BMPR1B: variants seen among roughly 807,000 people sequenced by gnomAD.
BMPR1B encodes bone morphogenetic protein receptor type 1B, also known as bone morphogenetic protein receptor type-1B.
Under a neutral mutation model 59.1 loss-of-function variants are expected in BMPR1B, and 12 were observed. The observed-to-expected ratio is 0.20, with a 90% confidence interval of 0.13 to 0.33. The LOEUF (loss-of-function observed/expected upper bound fraction) is 0.33. Among genes scored for constraint, BMPR1B ranks in the 10% least tolerant of loss-of-function variants. The pLI is 1.00. For synonymous variants in BMPR1B, 237 were observed against 207.3 expected, an observed-to-expected ratio of 1.14 and a Z score of -1.23; for missense variants, 550 against 610.9, an observed-to-expected ratio of 0.90 and a Z score of 1.05.
At chr4:94,892,653 A>G (rs1277756353) in intron 2 of BMPR1B, among the ~76,000 whole-genome samples, 1 of 152,086 alleles carries the variant, frequency 6.6e-6, no homozygotes, top group African/African-American at 2.4e-5. Flanking sequence ...AGAAGATGTG[A>G]TACTTGAACT....
intron 10 of BMPR1B, among the ~76,000 whole-genome samples, chr4:95,133,052 T>G (rs1733491015): frequency 6.6e-6 from 1 of 152,230 alleles, no homozygotes. Context: ...TTCCCAGTTT[T>G]GGCTGATCCA....
At chr4:94,875,369 T>C (rs1333145275) in intron 1 of BMPR1B, among the ~76,000 whole-genome samples, 1 of 152,184 alleles carries the variant, frequency 6.6e-6, no homozygotes, top group East Asian at 1.9e-4. Flanking sequence ...TGCTTTATTT[T>C]TAGTACATCT....
At chr4:94,940,079 G>A (rs1410420497) in intron 2 of BMPR1B, among the ~76,000 whole-genome samples, 1 of 152,086 alleles carries the variant, frequency 6.6e-6, no homozygotes. Context: ...TTATTATATT[G>A]TAAAAAATAA....
intron 6 of BMPR1B, among the ~76,000 whole-genome samples, chr4:95,120,669 C>CTTTCT (rs1307975314): frequency 0.012 from 737 of 62,220 alleles, 7 homozygotes; most frequent in African/African-American, 0.036. Context: ...CTTCCTTCTT[C>CTTTCT]TTTCTTTTCT....
At chr4:95,081,449 A>G (rs1729131912) in intron 3 of BMPR1B, among the ~76,000 whole-genome samples, 1 of 152,246 alleles carries the variant, frequency 6.6e-6, no homozygotes, top group Non-Finnish European at 1.5e-5. Flanking sequence ...AACAGTTGAC[A>G]GTATTTATTG....
chr4:94,952,961 T>C (rs1351135328), intron 2 of BMPR1B, among the ~76,000 whole-genome samples: 2 of 152,236 alleles, frequency 1.3e-5, no homozygotes, highest in African/African-American at 4.8e-5. Context: ...GGTGCATATA[T>C]ATTTAAGATA....
chr4:95,040,517 A>G (rs749882703), intron 3 of BMPR1B, among the ~76,000 whole-genome samples: 2 of 152,190 alleles, frequency 1.3e-5, no homozygotes, highest in Non-Finnish European at 2.9e-5. Flanking sequence ...ATAAATGGCA[A>G]GTGGGTAATA....
At chr4:95,096,926 A>G (rs1730447995) in intron 3 of BMPR1B, among the ~76,000 whole-genome samples, 1 of 142,222 alleles carries the variant, frequency 7.0e-6, no homozygotes, top group East Asian at 2.0e-4. Flanking sequence ...TATATATTAA[A>G]TCAAATTAAA....
intron 2 of BMPR1B, among the ~76,000 whole-genome samples, chr4:94,985,952 G>C (rs927649375): frequency 2.0e-5 from 3 of 152,142 alleles, no homozygotes; most frequent in Admixed American, 6.5e-5. Flanking sequence ...TTTTACCCAA[G>C]CACCATGGAT....
intron 10 of BMPR1B, among the ~76,000 whole-genome samples, chr4:95,143,193 G>A (rs1291988998): frequency 1.3e-5 from 2 of 152,232 alleles, no homozygotes; most frequent in South Asian, 2.1e-4. Context: ...CCAGGCAGCA[G>A]TGCTGTGCTA....
chr4:94,784,977 G>A (rs747428758), intron 1 of BMPR1B, among the ~76,000 whole-genome samples: 11 of 152,200 alleles, frequency 7.2e-5, no homozygotes, highest in Non-Finnish European at 1.0e-4. Flanking sequence ...ACCAGCAGCT[G>A]CTTGGAGGGG....
chr4:95,146,770 A>G (rs534586888), intron 10 of BMPR1B, among the ~76,000 whole-genome samples: 14 of 152,226 alleles, frequency 9.2e-5, no homozygotes, highest in Admixed American at 7.8e-4. Flanking sequence ...TGAAATCCCT[A>G]CTCTGCTCCC....
intron 6 of BMPR1B, 32 bp from the exon 7 acceptor site, chr4:95,123,778 T>G: frequency 6.7e-7 from 1 of 1,488,254 alleles, no homozygotes; most frequent in South Asian, 1.1e-5. Flanking sequence ...AAATATTCTC[T>G]TGATTATGGC....
intron 1 of BMPR1B, among the ~76,000 whole-genome samples, chr4:94,791,150 A>T (rs1006409728): frequency 6.6e-6 from 1 of 151,944 alleles, no homozygotes; most frequent in Non-Finnish European, 1.5e-5. Context: ...CACCACGCCC[A>T]CCTAATTTTT....
At chr4:94,776,696 C>G (rs948226046) in intron 1 of BMPR1B, among the ~76,000 whole-genome samples, 10 of 152,214 alleles carry the variant, frequency 6.6e-5, no homozygotes, top group African/African-American at 2.4e-4. Context: ...TGGTAGAAAA[C>G]AAAACTTGTA....
Position 95,131,065 on chromosome 4 carries a change from T to C in BMPR1B, c.779-150T>C, listed in dbSNP as rs1292491241. 5 of 797,930 alleles carry C rather than the reference T, an allele frequency of 6.3e-6. No homozygotes were observed. The East Asian group carries it at 1.1e-4, about 17-fold the overall frequency. 49.4% of individuals were successfully genotyped at this position (797,930 alleles called of 1,614,324 possible). The stretch of plus-strand genomic sequence containing the variant: ...AATTTTGATTGCTTCTTATTGGTAT[T>C]AGTCATTTAATACCATCATAGGCAT... On this transcript the variant is annotated intron_variant, in intron 9 of 12. Coordinates refer to ENST00000515059, the MANE Select transcript of BMPR1B (RefSeq NM_001203.3).
intron 3 of BMPR1B, among the ~76,000 whole-genome samples, chr4:95,095,045 A>T (rs1426848526): frequency 1.3e-5 from 2 of 151,034 alleles, no homozygotes; most frequent in Non-Finnish European, 3.0e-5. Flanking sequence ...TATATATATA[A>T]TTTTTTTTTC....
chr4:94,996,642 G>A, intron 3 of BMPR1B, among the ~76,000 whole-genome samples: 1 of 152,198 alleles, frequency 6.6e-6, no homozygotes, highest in East Asian at 1.9e-4. Context: ...GTGCACTGAA[G>A]TGAAATAGTA....
At chr4:94,909,973 C>A (rs1728211196) in intron 2 of BMPR1B, among the ~76,000 whole-genome samples, 1 of 151,974 alleles carries the variant, frequency 6.6e-6, no homozygotes, top group African/African-American at 2.4e-5. Context: ...TTTGCCAACA[C>A]CCTCATAGGA....
Sources: gnomAD v4.1 joint callset for allele counts (sites outside exome capture counted in the v4.1 genomes callset) on GRCh38, gnomAD v4.1.1 for gene constraint, MANE v1.5 for transcripts, NCBI Gene and HGNC (gene_info 2026-07-23, HGNC 2026-07-21) for gene names.